The following ERBB4 variants were observed in gnomAD, a reference collection of about 807,000 sequenced individuals.
The protein encoded by ERBB4 is erb-b2 receptor tyrosine kinase 4, also known as receptor tyrosine-protein kinase erbB-4.
A neutral mutation model predicts 158.0 loss-of-function variants in ERBB4; 42 were observed. The ratio of observed to expected loss-of-function variants is 0.27; its 90% CI spans 0.21 to 0.34. The LOEUF (loss-of-function observed/expected upper bound fraction) is 0.34. Among genes scored for constraint, ERBB4 ranks in the 10% least tolerant of loss-of-function variants. ERBB4 has a pLI of 1.00. For missense variants in ERBB4, 1,333 were observed against 1,624.1 expected, an observed-to-expected ratio of 0.82 and a Z score of 3.08; for synonymous variants, 583 against 558.7, an observed-to-expected ratio of 1.04 and a Z score of -0.61.
intron 1 of ERBB4, among the ~76,000 whole-genome samples, chr2:212,369,652 C>G (rs2090016042): frequency 6.6e-6 from 1 of 152,034 alleles, no homozygotes; most frequent in Non-Finnish European, 1.5e-5. Flanking sequence ...TAACCTTGCT[C>G]TCTAGCAGTC....
At chr2:212,118,321 C>T (rs2079633423) in intron 2 of ERBB4, among the ~76,000 whole-genome samples, 1 of 152,178 alleles carries the variant, frequency 6.6e-6, no homozygotes, top group Non-Finnish European at 1.5e-5. Flanking sequence ...AACATCACTC[C>T]TGACTTTATT....
intron 1 of ERBB4, among the ~76,000 whole-genome samples, chr2:212,261,290 T>C (rs980403607): frequency 6.6e-6 from 1 of 152,106 alleles, no homozygotes; most frequent in Non-Finnish European, 1.5e-5. Flanking sequence ...GGAAATCACA[T>C]TGAGAAGAAA....
intron 2 of ERBB4, among the ~76,000 whole-genome samples, chr2:212,029,942 G>A (rs887092127): frequency 6.6e-6 from 1 of 152,036 alleles, no homozygotes; most frequent in Non-Finnish European, 1.5e-5. Flanking sequence ...GTACTTTTCT[G>A]CCACATAAGG....
At chr2:211,690,338 C>A (rs1195112730) in intron 12 of ERBB4, among the ~76,000 whole-genome samples, 3 of 152,062 alleles carry the variant, frequency 2.0e-5, no homozygotes, top group African/African-American at 7.2e-5. Flanking sequence ...AAGGTGACAG[C>A]ACTTTACAGT....
chr2:212,186,824 G>C (rs768885052), intron 1 of ERBB4, among the ~76,000 whole-genome samples: 2 of 151,948 alleles, frequency 1.3e-5, no homozygotes, highest in Admixed American at 6.6e-5. Flanking sequence ...GATAAAATAC[G>C]TCAACATGTT....
chr2:212,205,678 A>C (rs769486139), intron 1 of ERBB4, among the ~76,000 whole-genome samples: 1 of 152,190 alleles, frequency 6.6e-6, no homozygotes, highest in Non-Finnish European at 1.5e-5. Flanking sequence ...GCATTGTTAC[A>C]TATCAACAAT....
chr2:211,463,560 C>T (rs527394646), intron 20 of ERBB4, among the ~76,000 whole-genome samples: 4 of 152,110 alleles, frequency 2.6e-5, no homozygotes, highest in Non-Finnish European at 4.4e-5. Flanking sequence ...CTGAAATGTG[C>T]TAATAGGTCA....
At chr2:212,213,458 T>C (rs1243873427) in intron 1 of ERBB4, among the ~76,000 whole-genome samples, 1 of 151,918 alleles carries the variant, frequency 6.6e-6, no homozygotes, top group African/African-American at 2.4e-5. Flanking sequence ...TTTATGCTTG[T>C]AATGAAAGCA....
At chr2:212,152,103 C>T (rs532716149) in intron 1 of ERBB4, among the ~76,000 whole-genome samples, 1 of 151,986 alleles carries the variant, frequency 6.6e-6, no homozygotes, top group Non-Finnish European at 1.5e-5. Flanking sequence ...GATCATAAGG[C>T]TCTATTGTTT....
intron 12 of ERBB4, among the ~76,000 whole-genome samples, chr2:211,684,799 T>C (rs2072497035): frequency 6.6e-6 from 1 of 152,164 alleles, no homozygotes; most frequent in African/African-American, 2.4e-5. Flanking sequence ...GAATGGAGTT[T>C]CCACATCCTG....
intron 2 of ERBB4, among the ~76,000 whole-genome samples, chr2:212,015,042 ATATATATATATATATATAT>A (rs2076483446): frequency 8.6e-5 from 1 of 11,634 alleles, no homozygotes; most frequent in Non-Finnish European, 1.8e-4. Context: ...AAAAAAAAAA[ATATATATATATATATATAT>A]ATATATATAT....
intron 1 of ERBB4, among the ~76,000 whole-genome samples, chr2:212,301,297 TAAAC>T (rs773408971): frequency 1.3e-5 from 2 of 151,398 alleles, no homozygotes; most frequent in Non-Finnish European, 3.0e-5. Context: ...CTTACAATGT[TAAAC>T]AAAAAGAAAC....
intron 2 of ERBB4, among the ~76,000 whole-genome samples, chr2:212,063,793 G>A (rs561795040): frequency 6.6e-6 from 1 of 152,118 alleles, no homozygotes; most frequent in Non-Finnish European, 1.5e-5. Context: ...AATCATAGGG[G>A]TTAAAGGATT....
chr2:212,267,776 T>A (rs568985480), intron 1 of ERBB4, among the ~76,000 whole-genome samples: 13 of 134,030 alleles, frequency 9.7e-5, no homozygotes, highest in East Asian at 2.6e-4. Context: ...CAGGCCCCGG[T>A]GTGTGATGTT....
At chr2:211,860,238 C>G (rs1257981033) in intron 3 of ERBB4, among the ~76,000 whole-genome samples, 1 of 152,144 alleles carries the variant, frequency 6.6e-6, no homozygotes, top group Non-Finnish European at 1.5e-5. Context: ...TTGCCTTTCA[C>G]TCTTTGTAAT....
chr2:211,674,078 T>A, intron 13 of ERBB4, among the ~76,000 whole-genome samples: 1 of 152,228 alleles, frequency 6.6e-6, no homozygotes, highest in East Asian at 1.9e-4. Context: ...AATTATTATA[T>A]CAATAATTAG....
intron 20 of ERBB4, among the ~76,000 whole-genome samples, chr2:211,448,765 T>C (rs2064173156): frequency 6.6e-6 from 1 of 152,188 alleles, no homozygotes; most frequent in Admixed American, 6.5e-5. Context: ...TAATAAAATA[T>C]TTATGTAGAG....
intron 1 of ERBB4, among the ~76,000 whole-genome samples, chr2:212,480,342 C>T (rs967675467): frequency 6.6e-6 from 1 of 151,942 alleles, no homozygotes; most frequent in Non-Finnish European, 1.5e-5. Context: ...CAAAAAGAGG[C>T]CAGTGTGGCT....
chr2:211,515,275 G>A (rs1299288167), intron 20 of ERBB4, among the ~76,000 whole-genome samples: 1 of 152,050 alleles, frequency 6.6e-6, no homozygotes, highest in East Asian at 1.9e-4. Flanking sequence ...GCTTTAATAT[G>A]GAGACAATTT....
Sources: allele counts gnomAD v4.1 joint callset (sites outside exome capture counted in the v4.1 genomes callset), GRCh38; gene constraint gnomAD v4.1.1; transcripts MANE v1.5; gene names NCBI Gene and HGNC (gene_info 2026-07-23, HGNC 2026-07-21).